Variants in INVS observed in about 807,000 individuals in gnomAD.
INVS encodes inversion of embryo turning homolog.
INVS carries 86 observed loss-of-function variants against 108.8 expected under a neutral mutation model. That is an observed-to-expected ratio of 0.79 (90% CI 0.66 to 0.95). INVS has a LOEUF of 0.95. INVS is among the 40% of genes least tolerant of loss of function. The probability of loss-of-function intolerance (pLI) is 0.00; values close to 1 mark genes in which losing one functional copy is unlikely to be tolerated. For missense variants in INVS, 1,169 were observed against 1,297.4 expected (o/e 0.90, Z 1.52); for synonymous variants, 455 against 473.5 (o/e 0.96, Z 0.51).
intron 3 of INVS, among the ~76,000 whole-genome samples, chr9:100,150,378 A>G (rs1486659635): frequency 6.6e-6 from 1 of 152,206 alleles, no homozygotes; most frequent in Non-Finnish European, 1.5e-5. Flanking sequence ...TCACAAGCCT[A>G]GATTCCCATG....
At position 100,254,376 on chromosome 9, in the gene INVS, C is replaced by T. The variant is rs192609815; in HGVS notation, c.1464+1240C>T. ...CTCCAGTTTGAAGGTTGCCTGTTCACTCTGATGGTAGTTTCTTTTGCTGTG... is the reference window on the plus strand; with the variant it reads ...CTCCAGTTTGAAGGTTGCCTGTTCATTCTGATGGTAGTTTCTTTTGCTGTG... On this transcript the variant is annotated intron_variant, in intron 10 of 16. Transcript: ENST00000262457. Among the ~76,000 whole-genome samples the T allele has an allele frequency of 2.6e-5, 4 of 152,274 alleles. No individual in the cohort carries two copies. The East Asian group carries it at 7.7e-4, about 29-fold the overall frequency.
At chr9:100,293,131 G>A in intron 14 of INVS, 88 bp downstream of exon 14, 1 of 1,340,682 alleles carries the variant, frequency 7.5e-7, no homozygotes, top group Non-Finnish European at 1.1e-6. Flanking sequence ...TTTTCCCAGT[G>A]AGTTCCATGT....
At chr9:100,106,117 G>A (rs1008400130) in intron 2 of INVS, among the ~76,000 whole-genome samples, 2 of 151,938 alleles carry the variant, frequency 1.3e-5, no homozygotes, top group East Asian at 3.9e-4. Flanking sequence ...CTTTAATGCA[G>A]TAGGCTTACT....
In INVS at chr9:100,156,007, A is replaced by G. The variant is rs1420244032; in HGVS notation, c.273+29458A>G. ...CTCCATCACCCAGATTGTGTCTCTC[A>G]ATACCACTAAAAGGAATCAGAACTC... is the stretch of plus-strand genomic sequence containing the variant. On this transcript the variant is annotated intron_variant, in intron 3 of 16. Coordinates refer to ENST00000262457, the MANE Select transcript of INVS (RefSeq NM_014425.5). 4.6e-5 allele frequency among the ~76,000 whole-genome samples: 7 copies of G among 152,300 alleles called. No homozygotes were observed. In the East Asian group the frequency reaches 1.4e-3, roughly 29 times the overall value.
chr9:100,284,951 A>G lies in INVS; in HGVS notation c.2068+348A>G, dbSNP rs551374473. ...TGGTGTTATAAATTTTGTTTCAATC[A>G]TGAAATACAATTTATAAAACTCACA... is the stretch of plus-strand genomic sequence containing the variant. On this transcript the variant is annotated intron_variant, in intron 13 of 16. Transcript: ENST00000262457. Among the ~76,000 whole-genome samples the G allele has an allele frequency of 8.5e-5, 13 of 152,334 alleles. No homozygotes were observed. In the East Asian group the frequency reaches 2.3e-3, roughly 27 times the overall value.
At chr9:100,187,916 G>A (rs1830101182) in intron 3 of INVS, among the ~76,000 whole-genome samples, 1 of 152,022 alleles carries the variant, frequency 6.6e-6, no homozygotes, top group African/African-American at 2.4e-5. Flanking sequence ...GTTTTGTTTT[G>A]GTGGTGGTGT....
intron 3 of INVS, among the ~76,000 whole-genome samples, chr9:100,209,695 G>A (rs1830775684): frequency 6.7e-6 from 1 of 148,512 alleles, no homozygotes; most frequent in African/African-American, 2.5e-5. Context: ...GCATGAACCT[G>A]GAAGGCAGAG....
In INVS at chr9:100,301,139, TCACA is replaced by T. The variant is rs10527613; in HGVS notation, c.*502_*505del. On this transcript the variant is annotated 3_prime_UTR_variant, in exon 17 of 17. Transcript: ENST00000262457. ...CCTGGCATCTAATGCAACAAACTTATCACACACACACACACACACACACACACAC... is the reference window on the plus strand; with the variant it reads ...CCTGGCATCTAATGCAACAAACTTATCACACACACACACACACACACACAC... 5,774 of 167,746 alleles carry T rather than the reference TCACA, an allele frequency of 0.034. 138 individuals are homozygous for T. Among genetic ancestry groups the T allele is most frequent in the African/African-American group, 0.082 (2,273 of 27,688 alleles). The allele number at this position is 167,746 out of a possible 1,614,324, so 10.4% of individuals were successfully genotyped here.
At chr9:100,180,978 C>T (rs1335811506) in intron 3 of INVS, among the ~76,000 whole-genome samples, 1 of 152,154 alleles carries the variant, frequency 6.6e-6, no homozygotes, top group African/African-American at 2.4e-5. Context: ...GTTCAACATA[C>T]ACAAATCAAT....
At chr9:100,112,187 G>A (rs1171142452) in intron 2 of INVS, among the ~76,000 whole-genome samples, 2 of 152,072 alleles carry the variant, frequency 1.3e-5, no homozygotes, top group Non-Finnish European at 2.9e-5. Context: ...GGCCAGACTG[G>A]TCTCGAACTC....
Position 100,181,793 on chromosome 9 carries a change from A to G in INVS, c.274-44269A>G, listed in dbSNP as rs558346599. On this transcript the variant is annotated intron_variant, in intron 3 of 16. Coordinates refer to ENST00000262457, the MANE Select transcript of INVS (RefSeq NM_014425.5). ...TAAATTTCGTATGGAACCAAAAAAG[A>G]GCCCATATAGCCAAGACAATCCTAA... Among the ~76,000 whole-genome samples, 3 of 152,292 alleles carry G rather than the reference A, an allele frequency of 2.0e-5. No homozygotes were observed. In the East Asian group the frequency reaches 5.8e-4, roughly 29 times the overall value.
chr9:100,121,475 G>A (rs1381612169), intron 2 of INVS, among the ~76,000 whole-genome samples: 2 of 152,104 alleles, frequency 1.3e-5, no homozygotes, highest in Non-Finnish European at 2.9e-5. Flanking sequence ...ATCTTCCAAG[G>A]AATTTATCCA....
intron 11 of INVS, among the ~76,000 whole-genome samples, chr9:100,270,733 AG>A (rs1237674405): frequency 7.1e-6 from 1 of 140,950 alleles, no homozygotes; most frequent in Non-Finnish European, 1.5e-5. Flanking sequence ...GGGCAACAAG[AG>A]CAAAACTCCA....
chr9:100,110,739 C>T (rs1215052767), intron 2 of INVS, among the ~76,000 whole-genome samples: 3 of 152,058 alleles, frequency 2.0e-5, no homozygotes, highest in Non-Finnish European at 4.4e-5. Context: ...AATATTCTGC[C>T]ATAATTTTTT....
At chr9:100,231,134 C>G (rs1246684263) in intron 5 of INVS, among the ~76,000 whole-genome samples, 1 of 151,982 alleles carries the variant, frequency 6.6e-6, no homozygotes, top group Non-Finnish European at 1.5e-5. Flanking sequence ...TTTTCTAATC[C>G]CTCTGTCCCA....
At chr9:100,191,911 C>T (rs1830234083) in intron 3 of INVS, among the ~76,000 whole-genome samples, 1 of 151,978 alleles carries the variant, frequency 6.6e-6, no homozygotes, top group Admixed American at 6.6e-5. Context: ...TTTATTATAG[C>T]CCAATTTGGC....
intron 3 of INVS, among the ~76,000 whole-genome samples, chr9:100,204,693 TTTG>T (rs928116140): frequency 3.3e-5 from 5 of 152,112 alleles, no homozygotes; most frequent in South Asian, 2.1e-4. Flanking sequence ...ACAGGTTTCT[TTTG>T]TTGTTGTTGT....
chr9:100,179,437 A>G (rs10988998), intron 3 of INVS, among the ~76,000 whole-genome samples: 29,198 of 151,796 alleles, frequency 0.19, 4,487 homozygotes, highest in African/African-American at 0.43. Flanking sequence ...ATAAAGGGAT[A>G]GAGGAATATT....
rs1015507237 is a variant in INVS, at chr9:100,264,823, G to T, written c.1466G>T (p.Gly489Val). Residue 489 changes from glycine to valine, a missense_variant and splice_region_variant, in exon 11 of 17, where the codon GGA becomes GTA. Around this residue, in one of 3 missense-constraint regions of INVS, gnomAD observed 271 missense variants for 363.8 expected, o/e 0.74. Transcript: ENST00000262457. ...CTTGATTTTTGTTTATGCTTATAGG[G>T]AAGAACAGCTTTGCATTGGTCCTGC... ...NADPNIQDKE[G>V]RTALHWSCNN... 18 of 1,608,644 alleles carry T rather than the reference G, an allele frequency of 1.1e-5. No individual in the cohort carries two copies. Among genetic ancestry groups the T allele is most frequent in the Non-Finnish European group, 1.5e-5 (18 of 1,175,248 alleles).
Sources: allele counts gnomAD v4.1 joint callset (sites outside exome capture counted in the v4.1 genomes callset), GRCh38; gene constraint gnomAD v4.1.1; regional missense constraint gnomAD v4.1.1; transcripts MANE v1.5; gene names NCBI Gene and HGNC (gene_info 2026-07-23, HGNC 2026-07-21).